The following IGF2R variants were observed in gnomAD, a reference collection of about 807,000 sequenced individuals.
The protein encoded by IGF2R is cation-independent mannose-6-phosphate receptor.
In IGF2R, 91 loss-of-function variants were observed where a neutral mutation model predicts 270.6. The observed-to-expected ratio is 0.34, with a 90% CI of 0.28 to 0.40. IGF2R has a LOEUF of 0.40. Ranked by LOEUF, IGF2R falls within the 10% of genes least tolerant of loss-of-function variation. The pLI is 1.00. For synonymous variants in IGF2R, 1,316 were observed against 1,258.9 expected (o/e 1.05, Z -0.96); for missense variants, 2,805 against 3,188.3 (o/e 0.88, Z 2.90).
chr6:160,059,167 T>TACACTCAGGAAGGTGCA, intron 22 of IGF2R, 69 bp downstream of exon 22: 1 of 1,321,946 alleles, frequency 7.6e-7, no homozygotes, highest in Non-Finnish European at 1.1e-6. Context: ...GCCATGCACC[T>TACACTCAGGAAGGTGCA]TCCTGAGTGT....
chr6:160,081,903 ATTG>A (rs1778990706), intron 39 of IGF2R, among the ~76,000 whole-genome samples: 1 of 152,218 alleles, frequency 6.6e-6, no homozygotes, highest in Non-Finnish European at 1.5e-5. Flanking sequence ...CAGATTTCAT[ATTG>A]TTCAAACACA....
intron 1 of IGF2R, among the ~76,000 whole-genome samples, chr6:159,982,451 C>T (rs1252410433): frequency 6.6e-6 from 1 of 152,146 alleles, no homozygotes; most frequent in Non-Finnish European, 1.5e-5. Flanking sequence ...TCTTTGTCTC[C>T]AACATGTTAG....
intron 7 of IGF2R, 150 bp from the exon 8 acceptor site, chr6:160,032,401 T>C (rs1047048776): frequency 8.1e-6 from 5 of 618,246 alleles, no homozygotes; most frequent in Admixed American, 6.2e-5. Flanking sequence ...ATAATCTTAA[T>C]GTGTTAGAGG....
chr6:159,997,624 G>T (rs949395610), intron 2 of IGF2R, among the ~76,000 whole-genome samples: 3 of 152,100 alleles, frequency 2.0e-5, no homozygotes, highest in African/African-American at 7.2e-5. Context: ...GTCCCTCAGG[G>T]CTCCTAGCCG....
Position 160,043,136 on chromosome 6 carries a change from G to C in IGF2R, c.1481-12G>C. ...TTGCTTTTGGCTAAAATACACTTTT[G>C]TTTTGTTACAGAACCAGAGCAGAAT... On this transcript the variant is annotated splice_polypyrimidine_tract_variant and intron_variant, in intron 11 of 47. Transcript: ENST00000356956. 6.2e-7 allele frequency: 1 copy of C among 1,613,428 alleles called. No homozygotes were observed.
intron 1 of IGF2R, among the ~76,000 whole-genome samples, chr6:159,987,823 A>G (rs143179908): frequency 1.3e-4 from 20 of 152,362 alleles, no homozygotes; most frequent in Non-Finnish European, 2.8e-4. Flanking sequence ...GCTGTGACTA[A>G]GAACTCTGAG....
rs1426248569 is a variant in IGF2R, at chr6:160,106,056, T to C, written c.*972T>C. ...TGCTTATTTTTTTAAGAAAAAAGTG[T>C]TGATCAACCATTCGACCTATAAGAA... On this transcript the variant is annotated 3_prime_UTR_variant, in exon 48 of 48. Transcript: ENST00000356956. The C allele has an allele frequency of 6.6e-6, 1 of 152,546 alleles. No homozygotes were observed. Among genetic ancestry groups the C allele is most frequent in the Non-Finnish European group, 1.5e-5 (1 of 68,054 alleles). 9.4% of individuals were successfully genotyped at this position (152,546 alleles called of 1,614,324 possible). A position where few individuals can be genotyped will look rare whatever the true frequency, so the allele number is the denominator to read the frequency against.
intron 1 of IGF2R, among the ~76,000 whole-genome samples, chr6:159,989,184 G>T (rs1239167804): frequency 6.6e-6 from 1 of 152,176 alleles, no homozygotes; most frequent in Non-Finnish European, 1.5e-5. Context: ...GTGCGGTTTG[G>T]TTTCTTGGCA....
intron 44 of IGF2R, chr6:160,090,358 A>G: frequency 3.7e-6 from 1 of 267,544 alleles, no homozygotes; most frequent in Non-Finnish European, 7.0e-6. Flanking sequence ...GGTCTGATCC[A>G]GTGGTTCTGA....
chr6:159,991,107 G>C (rs540744483), intron 1 of IGF2R, 77 bp from the exon 2 acceptor site: 1 of 1,373,722 alleles, frequency 7.3e-7, no homozygotes, highest in East Asian at 2.3e-5. Flanking sequence ...AAGCAAATGT[G>C]GCTTGAATAA....
chr6:160,069,933 G>A lies in IGF2R; in HGVS notation c.4318G>A (p.Val1440Ile). ...CTCCAAGCCCGTGAACCTCGGCAGG[G>A]TAAGGGACGGACCTCAGTGGAGAGA... ...GGSKPVNLGR[V>I]RDGPQWRDGI... The change falls in exon 31 of 48, where the codon GTA becomes ATA. Residue 1440 changes from valine to isoleucine, a missense_variant. Physicochemically the swap from Val to Ile is conservative, Grantham distance 29 (BLOSUM62 3). Transcript: ENST00000356956. 1 of 1,614,242 alleles carries A rather than the reference G, an allele frequency of 6.2e-7. No individual in the cohort carries two copies. Among genetic ancestry groups the A allele is most frequent in the Non-Finnish European group, 8.5e-7 (1 of 1,180,044 alleles).
intron 18 of IGF2R, among the ~76,000 whole-genome samples, chr6:160,049,243 T>A (rs1282337454): frequency 6.6e-6 from 1 of 152,160 alleles, no homozygotes; most frequent in African/African-American, 2.4e-5. Context: ...GAGCAATGAG[T>A]TCAGTGTATA....
At chr6:160,057,630 T>G (rs768903957) in intron 20 of IGF2R, among the ~76,000 whole-genome samples, 31 of 152,252 alleles carry the variant, frequency 2.0e-4, no homozygotes, top group South Asian at 2.1e-4. Context: ...CTGGTCATAC[T>G]TCCCATGATT....
At chr6:159,993,874 A>G (rs1784013355) in intron 2 of IGF2R, among the ~76,000 whole-genome samples, 2 of 151,630 alleles carry the variant, frequency 1.3e-5, no homozygotes, top group Admixed American at 1.3e-4. Context: ...ATCTGTGTTC[A>G]TTAGGGATAT....
chr6:160,000,204 T>G (rs1174708898), intron 2 of IGF2R, among the ~76,000 whole-genome samples: 1 of 152,164 alleles, frequency 6.6e-6, no homozygotes, highest in East Asian at 1.9e-4. Context: ...TGATACTTGG[T>G]AATTTATGAA....
intron 10 of IGF2R, among the ~76,000 whole-genome samples, chr6:160,040,310 C>T (rs1201648217): frequency 6.6e-6 from 1 of 152,180 alleles, no homozygotes; most frequent in East Asian, 1.9e-4. Context: ...AGATGCTGTA[C>T]ACAGCCTTCT....
In IGF2R at chr6:160,061,754, C is replaced by T; in HGVS notation, c.3408C>T (p.Gly1136=). The T allele has an allele frequency of 6.2e-7, 1 of 1,614,140 alleles. No homozygotes were observed. The highest frequency in any genetic ancestry group is 8.5e-7 in the Non-Finnish European group (1 of 1,180,008). The stretch of plus-strand genomic sequence containing the variant: ...AAACCACTTATTCTGTTCTTCCAGG[C>T]AGCGCAGTGGGGTCTTGCTTAGTGT... ...NPLPYIPGCQ[G]SAVGSCLVSE... Residue 1136 remains glycine (G), a splice_region_variant and synonymous_variant, in exon 25 of 48, where the codon GGC becomes GGT. Coordinates refer to ENST00000356956, the MANE Select transcript of IGF2R (RefSeq NM_000876.4).
At chr6:160,078,157 C>T in intron 36 of IGF2R, 44 bp from the exon 37 acceptor site, 1 of 1,604,430 alleles carries the variant, frequency 6.2e-7, no homozygotes, top group Non-Finnish European at 8.5e-7. Context: ...CTATCTATCC[C>T]TATGCCATGG....
intron 2 of IGF2R, chr6:160,005,020 TC>T (rs989302601): frequency 6.6e-6 from 1 of 152,298 alleles, no homozygotes; most frequent in African/African-American, 2.4e-5. Flanking sequence ...TCTGATTGGA[TC>T]CTGGATCTTG....
Sources: gnomAD v4.1 joint callset for allele counts (sites outside exome capture counted in the v4.1 genomes callset) on GRCh38, gnomAD v4.1.1 for gene constraint, MANE v1.5 for transcripts, NCBI Gene and HGNC (gene_info 2026-07-23, HGNC 2026-07-21) for gene names.